ARHGEF40: variants seen among roughly 807,000 people sequenced by gnomAD.
The protein encoded by ARHGEF40 is Rho guanine nucleotide exchange factor (GEF) 40.
A neutral mutation model predicts 165.9 loss-of-function variants in ARHGEF40; 98 were observed. The ratio of observed to expected loss-of-function variants is 0.59; its 90% CI spans 0.50 to 0.70. The LOEUF (loss-of-function observed/expected upper bound fraction) is 0.70, where lower values mean the gene tolerates loss of function less well. Among genes scored for constraint, ARHGEF40 ranks in the 30% least tolerant of loss-of-function variants. The probability of loss-of-function intolerance (pLI) is 0.00; values close to 1 mark genes in which losing one functional copy is unlikely to be tolerated. For missense variants in ARHGEF40, 1,815 were observed against 1,968.0 expected (o/e 0.92, Z 1.47); for synonymous variants, 792 against 814.3 (o/e 0.97, Z 0.47).
chr14:21,069,987 C>A (rs1198687246), upstream of ARHGEF40, among the ~76,000 whole-genome samples: 4 of 152,168 alleles, frequency 2.6e-5, no homozygotes, highest in Non-Finnish European at 4.4e-5. Flanking sequence ...GGGAGCGAGG[C>A]CGTGGCGGGA....
Position 21,072,990 on chromosome 14 carries a change from A to G in ARHGEF40, c.4-55A>G. The G allele has an allele frequency of 1.9e-6, 3 of 1,560,726 alleles. No individual in the cohort carries two copies. The South Asian group carries it at 3.4e-5, about 18-fold the overall frequency. ...CAACCCCAGACCAGTGCAGCTCCCA[A>G]GGAGCCATGATTGGGTGATCTCTAG... On this transcript the variant is annotated intron_variant, in intron 1 of 23. Transcript: ENST00000298694. This position sits in a 1 kb window ranked among gnomAD's most constrained non-coding sequence, Gnocchi z 4.1.
In ARHGEF40 at chr14:21,076,830, G is replaced by A. The variant is rs778378418; in HGVS notation, c.1974G>A (p.Leu658=). 8 of 1,613,932 alleles carry A rather than the reference G, an allele frequency of 5.0e-6. No homozygotes were observed. In the Admixed American group the frequency reaches 1.0e-4, roughly 20 times the overall value. Reference sequence around the variant, plus strand: ...AAAGAGTGGCCAAGCCAGAGGAGCTGCAGTGGGAGTTAGGAGGTCACAGGG... The same window carrying A: ...AAAGAGTGGCCAAGCCAGAGGAGCTACAGTGGGAGTTAGGAGGTCACAGGG... ...DLKRVAKPEE[L]QWELGGHRDP... Residue 658 remains leucine, a synonymous_variant, in exon 8 of 24, where the codon CTG becomes CTA. Coordinates refer to ENST00000298694, the MANE Select transcript of ARHGEF40 (RefSeq NM_018071.5).
At position 21,078,422 on chromosome 14, in the gene ARHGEF40, G is replaced by A. The variant is rs143591705; in HGVS notation, c.2180G>A (p.Arg727Gln). The A allele has an allele frequency of 1.7e-5, 28 of 1,611,486 alleles. No homozygotes were observed. The Middle Eastern group carries it at 6.6e-4, about 38-fold the overall frequency. Residue 727 changes from arginine (R) to glutamine (Q), a missense_variant, in exon 10 of 24, where the codon CGG becomes CAG. By Grantham distance (43) the Arg-to-Gln change is conservative (BLOSUM62 1). Transcript: ENST00000298694. ...KPLQKVLADP[R>Q]LTALQRDGGA... ...CTGCAGAAGGTGCTGGCAGATCCCC[G>A]GCTGACGGCACTGCAGAGGGATGGG...
chr14:21,082,807 C>G (rs1419944105), intron 15 of ARHGEF40, 24 bp from the exon 16 acceptor site: 1 of 1,612,388 alleles, frequency 6.2e-7, no homozygotes, highest in Non-Finnish European at 8.5e-7. Flanking sequence ...CCGGGGACTC[C>G]TTATCTGTTC....
In ARHGEF40 at chr14:21,089,065, G is replaced by T; in HGVS notation, c.*57G>T. 1 of 556,758 alleles carries T rather than the reference G, an allele frequency of 1.8e-6. No individual in the cohort carries two copies. Among genetic ancestry groups the T allele is most frequent in the South Asian group, 2.5e-5 (1 of 40,016 alleles). The allele number at this position is 556,758 out of a possible 1,614,324, so 34.5% of individuals were successfully genotyped here. A position where few individuals can be genotyped will look rare whatever the true frequency, so the allele number is the denominator to read the frequency against. On this transcript the variant is annotated 3_prime_UTR_variant, in exon 24 of 24. Coordinates refer to ENST00000298694, the MANE Select transcript of ARHGEF40 (RefSeq NM_018071.5). ...TCTCCTCTCAGCACACTTTGGGCTG[G>T]GATGGCAGTGGGGCATAATGGAGCC...
At chr14:21,077,243 T>C (rs1887497537) in intron 8 of ARHGEF40, among the ~76,000 whole-genome samples, 1 of 151,660 alleles carries the variant, frequency 6.6e-6, no homozygotes, top group Non-Finnish European at 1.5e-5. Context: ...TAGCTGTGGC[T>C]ACAGGCATGT....
In ARHGEF40 at chr14:21,070,950, A is replaced by G. The variant is rs1453763432; in HGVS notation, c.3+551A>G. On this transcript the variant is annotated intron_variant, in intron 1 of 23. Coordinates refer to ENST00000298694, the MANE Select transcript of ARHGEF40 (RefSeq NM_018071.5). The surrounding 1 kb of genome is among the most constrained non-coding windows in gnomAD (Gnocchi z 4.7). The stretch of plus-strand genomic sequence containing the variant: ...GGTCCCGGGGCATGGCCAAAGAGGG[A>G]AATTCCCGCAGAGAAAAAGAGCTGC... The G allele has an allele frequency of 2.4e-6, 3 of 1,266,806 alleles. No individual in the cohort carries two copies. Among genetic ancestry groups the G allele is most frequent in the Middle Eastern group, 1.8e-4 (1 of 5,488 alleles). The allele number at this position is 1,266,806 out of a possible 1,614,324, so 78.5% of individuals were successfully genotyped here. A position where few individuals can be genotyped will look rare whatever the true frequency, so the allele number is the denominator to read the frequency against.
At chr14:21,069,131 G>A (rs150009352), upstream of ARHGEF40, among the ~76,000 whole-genome samples, 18 of 152,338 alleles carry the variant, frequency 1.2e-4, no homozygotes, top group East Asian at 3.1e-3. Flanking sequence ...CGGAGCTGCG[G>A]GGCTTCCCGG....
At chr14:21,065,079 G>C in the ARHGEF40 span, among the ~76,000 whole-genome samples, 1 of 152,030 alleles carries the variant, frequency 6.6e-6, no homozygotes, top group Non-Finnish European at 1.5e-5. Flanking sequence ...GCTGAGGCAG[G>C]AGAATTGCTT....
chr14:21,074,125 A>G lies in ARHGEF40; in HGVS notation c.395A>G (p.Gln132Arg). ...KCLAPGGGRVQEVPVPNEACA... is the reference protein window; with the variant it reads ...KCLAPGGGRVREVPVPNEACA... ...CTGGCCCCTGGGGGTGGGCGGGTGC[A>G]GGAGGTTCCTGTGCCCAATGAGGCT... is the stretch of plus-strand genomic sequence containing the variant. The change falls in exon 3 of 24, where the codon CAG (glutamine) becomes CGG (arginine). Residue 132 changes from glutamine to arginine, a missense_variant. Transcript: ENST00000298694. This position sits in a 1 kb window ranked among gnomAD's most constrained non-coding sequence, Gnocchi z 4.8. The G allele has an allele frequency of 1.2e-6, 2 of 1,614,094 alleles. No homozygotes were observed. Among genetic ancestry groups the G allele is most frequent in the Non-Finnish European group, 1.7e-6 (2 of 1,180,018 alleles).
At chr14:21,080,372 A>G (rs1440009670) in intron 11 of ARHGEF40, among the ~76,000 whole-genome samples, 1 of 151,836 alleles carries the variant, frequency 6.6e-6, no homozygotes, top group African/African-American at 2.4e-5. Context: ...CCCCAGTTTG[A>G]TGTACTTCAC....
intron 9 of ARHGEF40, 47 bp from the exon 10 acceptor site, chr14:21,078,326 G>A (rs755757299): frequency 6.2e-6 from 10 of 1,600,914 alleles, no homozygotes; most frequent in Non-Finnish European, 7.7e-6. Context: ...GGCTGGGGTG[G>A]AGACTCTCTG....
upstream of ARHGEF40, chr14:21,070,131 A>G (rs1886570310): frequency 4.8e-6 from 1 of 209,426 alleles, no homozygotes. The surrounding 1 kb of genome is among the most constrained non-coding windows in gnomAD (Gnocchi z 4.7). Flanking sequence ...GGAACGGCAG[A>G]GATCTCGGCG....
the ARHGEF40 span, among the ~76,000 whole-genome samples, chr14:21,064,844 T>C: frequency 6.6e-6 from 1 of 152,110 alleles, no homozygotes. Flanking sequence ...TAAGCCTACA[T>C]CTGAGCCAGA....
chr14:21,085,736 C>T lies in ARHGEF40; in HGVS notation c.4008C>T (p.Cys1336=), dbSNP rs1444261904. 9 of 1,614,100 alleles carry T rather than the reference C, an allele frequency of 5.6e-6. No homozygotes were observed. The highest frequency in any genetic ancestry group is 7.6e-6 in the Non-Finnish European group (9 of 1,180,052). Residue 1336 remains cysteine (C), a synonymous_variant, in exon 19 of 24, where the codon TGC becomes TGT. Coordinates refer to ENST00000298694, the MANE Select transcript of ARHGEF40 (RefSeq NM_018071.5). ...LTENIGDSGL[C]FELWFRRRRA... ...AAAACATCGGGGACAGCGGACTCTGCTTTGAGTTGTGGTTTCGGCGGCGGC... is the reference window on the plus strand; with the variant it reads ...AAAACATCGGGGACAGCGGACTCTGTTTTGAGTTGTGGTTTCGGCGGCGGC...
intron 8 of ARHGEF40, 75 bp from the exon 9 acceptor site, chr14:21,078,102 C>A: frequency 7.3e-7 from 1 of 1,371,310 alleles, no homozygotes; most frequent in Non-Finnish European, 9.9e-7. Flanking sequence ...TCTGGGGCTA[C>A]CGCACCCCAA....
Position 21,082,228 on chromosome 14 carries a change from C to A in ARHGEF40, c.3252-16C>A. On this transcript the variant is annotated splice_polypyrimidine_tract_variant and intron_variant, in intron 14 of 23. Transcript: ENST00000298694. ...TCCCTCCCACACCTCCTCTGCCACTCCTATTGTGCCTGCAGTGCCCAGCAG... is the reference window on the plus strand; with the variant it reads ...TCCCTCCCACACCTCCTCTGCCACTACTATTGTGCCTGCAGTGCCCAGCAG... 1 of 1,598,566 alleles carries A rather than the reference C, an allele frequency of 6.3e-7. No homozygotes were observed. The highest frequency in any genetic ancestry group is 8.6e-7 in the Non-Finnish European group (1 of 1,169,558).
At chr14:21,085,630 T>TGGC in intron 18 of ARHGEF40, 59 bp from the exon 19 acceptor site, 12 of 1,567,820 alleles carry the variant, frequency 7.7e-6, no homozygotes, top group Non-Finnish European at 1.0e-5. Flanking sequence ...GCTTGCCATG[T>TGGC]GGCGCCACCC....
chr14:21,088,449 T>G (rs962618994), intron 22 of ARHGEF40, among the ~76,000 whole-genome samples: 7 of 149,352 alleles, frequency 4.7e-5, no homozygotes, highest in Admixed American at 2.0e-4. Context: ...GAGGCTGAGG[T>G]GGGAGGATCA....
Sources: gnomAD v4.1 joint callset for allele counts (sites outside exome capture counted in the v4.1 genomes callset) on GRCh38, gnomAD v4.1.1 for gene constraint, Gnocchi (gnomAD v3.1) non-coding constraint, MANE v1.5 for transcripts, NCBI Gene and HGNC (gene_info 2026-07-23, HGNC 2026-07-21) for gene names.